UGT1A4: variants seen among roughly 807,000 people sequenced by gnomAD.
UGT1A4 encodes UDP glucuronosyltransferase family 1 member A4.
UGT1A4 carries 32 observed loss-of-function variants against 41.1 expected under a neutral mutation model. The ratio of observed to expected loss-of-function variants is 0.78; its 90% CI spans 0.59 to 1.05. The LOEUF (loss-of-function observed/expected upper bound fraction) is 1.05, where lower values mean the gene tolerates loss of function less well. UGT1A4 is among the 50% of genes least tolerant of loss of function. UGT1A4 has a pLI of 0.00. For missense variants in UGT1A4, 748 were observed against 677.4 expected (o/e 1.10, Z -1.16); for synonymous variants, 283 against 265.1 (o/e 1.07, Z -0.66).
At chr2:233,721,362 A>G (rs1341884248) in intron 1 of UGT1A4, among the ~76,000 whole-genome samples, 1 of 152,182 alleles carries the variant, frequency 6.6e-6, no homozygotes, top group Non-Finnish European at 1.5e-5. Flanking sequence ...ACTGAACTGC[A>G]CTGGCTCAAA....
In UGT1A4 at chr2:233,722,021, C is replaced by T. The variant is rs991627062; in HGVS notation, c.867+2334C>T. On this transcript the variant is annotated intron_variant, in intron 1 of 4. Coordinates refer to ENST00000373409, the MANE Select transcript of UGT1A4 (RefSeq NM_007120.3). ...TTTAAGTGAACAGGAAAACTGAAAC[C>T]TCTTGAATTGCATGATTTTGTGGTG... 3.6e-5 allele frequency: 9 copies of T among 248,092 alleles called. No homozygotes were observed. In the Admixed American group the frequency reaches 3.8e-4, roughly 10 times the overall value. 15.4% of individuals were successfully genotyped at this position (248,092 alleles called of 1,614,324 possible).
At chr2:233,761,418 C>T (rs1559408324) in intron 1 of UGT1A4, among the ~76,000 whole-genome samples, 1 of 152,184 alleles carries the variant, frequency 6.6e-6, no homozygotes, top group Admixed American at 6.5e-5. Context: ...AAACAACAAG[C>T]TGTTAAATGC....
chr2:233,739,515 T>C (rs1354597011), intron 1 of UGT1A4, among the ~76,000 whole-genome samples: 1 of 152,234 alleles, frequency 6.6e-6, no homozygotes, highest in Non-Finnish European at 1.5e-5. Context: ...ATGTGAGACA[T>C]GAAGTCAAGG....
intron 1 of UGT1A4, chr2:233,729,385 G>A (rs1328190991): frequency 1.9e-6 from 3 of 1,613,954 alleles, no homozygotes; most frequent in African/African-American, 1.3e-5. Flanking sequence ...GTGGACCCAG[G>A]ATGAATTTGA....
At chr2:233,739,217 T>C (rs913655982) in intron 1 of UGT1A4, among the ~76,000 whole-genome samples, 1 of 152,096 alleles carries the variant, frequency 6.6e-6, no homozygotes, top group Non-Finnish European at 1.5e-5. Flanking sequence ...ATGGATAGAG[T>C]CCTTATAGAG....
chr2:233,763,254 T>C (rs1698269941), intron 1 of UGT1A4, among the ~76,000 whole-genome samples: 1 of 152,240 alleles, frequency 6.6e-6, no homozygotes, highest in Non-Finnish European at 1.5e-5. Context: ...TAGTAACCTG[T>C]TTTGTCTTGT....
At chr2:233,744,355 C>G (rs563473520) in intron 1 of UGT1A4, among the ~76,000 whole-genome samples, 6 of 151,952 alleles carry the variant, frequency 3.9e-5, no homozygotes, top group African/African-American at 1.2e-4. Context: ...TGAAGACATC[C>G]TGTTGTTTAG....
intron 1 of UGT1A4, among the ~76,000 whole-genome samples, chr2:233,742,284 C>G (rs1006206335): frequency 6.6e-6 from 1 of 151,974 alleles, no homozygotes. Context: ...AGCATCATTT[C>G]TATAGATTAT....
intron 1 of UGT1A4, chr2:233,730,094 A>C: frequency 6.3e-7 from 1 of 1,593,062 alleles, no homozygotes; most frequent in Non-Finnish European, 8.5e-7. Flanking sequence ...ATCTTTCCAA[A>C]TATTTCATTT....
At position 233,758,625 on chromosome 2, in the gene UGT1A4, A is replaced by AC. The variant is rs554859025; in HGVS notation, c.868-8407dup. ...TTCAGTGTGCATGTGCATGCAAAGT[A>AC]CCTACTCTAAGGAGAAGAATGAGAG... On this transcript the variant is annotated intron_variant, in intron 1 of 4. Transcript: ENST00000373409. Among the ~76,000 whole-genome samples the AC allele has an allele frequency of 6.6e-5, 10 of 152,284 alleles. No individual in the cohort carries two copies. The South Asian group carries it at 2.1e-3, about 32-fold the overall frequency.
chr2:233,743,914 C>T lies in UGT1A4; in HGVS notation c.868-23120C>T, dbSNP rs201448352. On this transcript the variant is annotated intron_variant, in intron 1 of 4. Coordinates refer to ENST00000373409, the MANE Select transcript of UGT1A4 (RefSeq NM_007120.3). ...CGTCCAGCACCTCGTAGTAGTCCAC[C>T]ATGCTGGATGGCCAGAACGGCCCAC... is the stretch of plus-strand genomic sequence containing the variant. 797 of 1,364,624 alleles carry T rather than the reference C, an allele frequency of 5.8e-4. 20 individuals are homozygous for T. In the African/African-American group the frequency reaches 8.5e-3, roughly 15 times the overall value. The allele number at this position is 1,364,624 out of a possible 1,614,324, so 84.5% of individuals were successfully genotyped here.
chr2:233,730,746 G>A (rs1030553021), intron 1 of UGT1A4, among the ~76,000 whole-genome samples: 3 of 152,110 alleles, frequency 2.0e-5, no homozygotes, highest in Non-Finnish European at 2.9e-5. Context: ...GGCTAGGGAG[G>A]AGATAAGACT....
At position 233,719,251 on chromosome 2, in the gene UGT1A4, C is replaced by T; in HGVS notation, c.431C>T (p.Thr144Ile). 2 of 1,614,174 alleles carry T rather than the reference C, an allele frequency of 1.2e-6. No individual in the cohort carries two copies. The highest frequency in any genetic ancestry group is 1.7e-6 in the Non-Finnish European group (2 of 1,180,026). The part of the protein sequence containing the change: ...NEALIRHLNA[T>I]SFDVVLTDPV... Reference sequence around the variant, plus strand: ...GCCCTGATCAGGCACCTGAATGCTACTTCCTTTGATGTGGTTTTAACAGAC... The same window carrying T: ...GCCCTGATCAGGCACCTGAATGCTATTTCCTTTGATGTGGTTTTAACAGAC... The change falls in exon 1 of 5, where the codon ACT (threonine) becomes ATT (isoleucine). Residue 144 changes from threonine to isoleucine, a missense_variant. Thr to Ile is a moderately conservative substitution (Grantham distance 89). Transcript: ENST00000373409.
chr2:233,724,355 C>T (rs1465005246), intron 1 of UGT1A4, among the ~76,000 whole-genome samples: 1 of 148,690 alleles, frequency 6.7e-6, no homozygotes, highest in Admixed American at 6.7e-5. Flanking sequence ...CCCCACCTCC[C>T]TCCCGGACGG....
intron 1 of UGT1A4, chr2:233,729,607 C>A (rs776036821): frequency 1.2e-6 from 2 of 1,613,986 alleles, no homozygotes; most frequent in South Asian, 2.2e-5. Context: ...CGCGGCAGTG[C>A]TGGCTAAGTA....
intron 1 of UGT1A4, among the ~76,000 whole-genome samples, chr2:233,747,054 T>C (rs1171712187): frequency 6.6e-6 from 1 of 151,960 alleles, no homozygotes; most frequent in Non-Finnish European, 1.5e-5. Flanking sequence ...AAGACAATGA[T>C]TGGTTAATCG....
rs1386510659 is a variant in UGT1A4, at chr2:233,729,572, T to C, written c.867+9885T>C. The C allele has an allele frequency of 3.1e-6, 5 of 1,613,976 alleles. No homozygotes were observed. The Admixed American group carries it at 6.7e-5, about 22-fold the overall frequency. On this transcript the variant is annotated intron_variant, in intron 1 of 4. Transcript: ENST00000373409. ...CTGAATGCTACTTCCTTTGATGTGG[T>C]TTTAACAGACCCCGTTAACCTCTGC...
At chr2:233,765,952 G>A (rs898895578) in intron 1 of UGT1A4, among the ~76,000 whole-genome samples, 1 of 152,064 alleles carries the variant, frequency 6.6e-6, no homozygotes, top group Non-Finnish European at 1.5e-5. Context: ...TGACCTCACC[G>A]GCAGTGTCTA....
Position 233,766,572 on chromosome 2 carries a change from G to A in UGT1A4, c.868-462G>A, listed in dbSNP as rs1699186765. On this transcript the variant is annotated intron_variant, in intron 1 of 4. Coordinates refer to ENST00000373409, the MANE Select transcript of UGT1A4 (RefSeq NM_007120.3). ...TCCTCACCTAGGTCCATGGGCACAG[G>A]TCTGGGGGTGGAGCCCTCGCCAGGG... Among the ~76,000 whole-genome samples, 3 of 152,322 alleles carry A rather than the reference G, an allele frequency of 2.0e-5. No individual in the cohort carries two copies. In the South Asian group the frequency reaches 6.2e-4, roughly 32 times the overall value.
Sources: gnomAD v4.1 joint callset for allele counts (sites outside exome capture counted in the v4.1 genomes callset) on GRCh38, gnomAD v4.1.1 for gene constraint, MANE v1.5 for transcripts, NCBI Gene and HGNC (gene_info 2026-07-23, HGNC 2026-07-21) for gene names.